Variants in SEMA4D observed in about 807,000 individuals in gnomAD.
SEMA4D encodes the protein semaphorin-4D.
SEMA4D carries 22 observed loss-of-function variants against 74.8 expected under a neutral mutation model. The ratio of observed to expected loss-of-function variants is 0.29; its 90% CI spans 0.21 to 0.42. The LOEUF (loss-of-function observed/expected upper bound fraction) is 0.42. Among genes scored for constraint, SEMA4D ranks in the 10% least tolerant of loss-of-function variants. The pLI, the probability that SEMA4D is intolerant of heterozygous loss-of-function variation, is 1.00. For synonymous variants in SEMA4D, 445 were observed against 463.7 expected (o/e 0.96, Z 0.52); for missense variants, 937 against 1,118.4 (o/e 0.84, Z 2.31).
intron 13 of SEMA4D, chr9:89,385,142 A>C: frequency 1.1e-6 from 1 of 888,816 alleles, no homozygotes; most frequent in Non-Finnish European, 1.3e-6. Flanking sequence ...GTGGGCACTG[A>C]CCCGTAACCC....
chr9:89,382,986 G>A (rs1035488283), intron 13 of SEMA4D, among the ~76,000 whole-genome samples: 6 of 152,212 alleles, frequency 3.9e-5, no homozygotes, highest in African/African-American at 1.2e-4. Flanking sequence ...CGCTTCTCCC[G>A]GATGGGGCTG....
chr9:89,450,659 G>GAAAAA lies in SEMA4D; in HGVS notation c.-244+5228_-244+5229insTTTTT, dbSNP rs1564832883. The GAAAAA allele has an allele frequency of 1.3e-3, 549 of 420,936 alleles. 127 individuals are homozygous for GAAAAA. Among genetic ancestry groups the GAAAAA allele is most frequent in the South Asian group, 2.5e-3 (99 of 40,142 alleles). The allele number at this position is 420,936 out of a possible 1,614,324, so 26.1% of individuals were successfully genotyped here. A position where few individuals can be genotyped will look rare whatever the true frequency, so the allele number is the denominator to read the frequency against. On this transcript the variant is annotated intron_variant, in intron 2 of 15. Transcript: ENST00000422704. ...AGAGTTCTGCAAGTCGAAAAACCCA[G>GAAAAA]GAAAAAAAAAAAAAAAAAAAAAAAA... is the stretch of plus-strand genomic sequence containing the variant.
intron 1 of SEMA4D, among the ~76,000 whole-genome samples, chr9:89,470,563 T>G (rs1017165180): frequency 1.3e-5 from 2 of 152,232 alleles, no homozygotes; most frequent in South Asian, 2.1e-4. Context: ...GGGCAGTTTC[T>G]TATAAGAATA....
intron 2 of SEMA4D, chr9:89,418,065 A>G (rs1487045283): frequency 2.0e-6 from 2 of 983,734 alleles, no homozygotes; most frequent in Non-Finnish European, 2.4e-6. Context: ...CCTGTATCTT[A>G]TGCCTCTTGA....
rs971216207 is a variant in SEMA4D at position 89,449,826 on chromosome 9, T to TC, written c.-244+6061dup. The TC allele has an allele frequency of 4.9e-5, 74 of 1,502,204 alleles. No homozygotes were observed. The African/African-American group carries it at 9.6e-4, about 20-fold the overall frequency. The allele number at this position is 1,502,204 out of a possible 1,614,324, so 93.1% of individuals were successfully genotyped here. A position where few individuals can be genotyped will look rare whatever the true frequency, so the allele number is the denominator to read the frequency against. On this transcript the variant is annotated intron_variant, in intron 2 of 15. Transcript: ENST00000422704. Reference sequence around the variant, plus strand: ...GGTAAATAACTGTGTATGTCACTTCTCCCCTTTGAAGAGAGACCAGGATTA... The same window carrying TC: ...GGTAAATAACTGTGTATGTCACTTCTCCCCCTTTGAAGAGAGACCAGGATTA...
In SEMA4D at chr9:89,379,419, A is replaced by G; in HGVS notation, c.1874T>C (p.Leu625Pro). 3 of 1,614,168 alleles carry G rather than the reference A, an allele frequency of 1.9e-6. No individual in the cohort carries two copies. Among genetic ancestry groups the G allele is most frequent in the Non-Finnish European group, 2.5e-6 (3 of 1,180,014 alleles). Residue 625 changes from leucine (L) to proline (P), a missense_variant, in exon 16 of 16, where the codon CTG becomes CCG. Transcript: ENST00000422704. ...SEGDSGVYQC[L>P]SEERVKNKTV... ...TTTGTTCTTAACCCTCTCCTCTGAC[A>G]GGCACTGGTACACCCCACTGTCTCC...
intron 2 of SEMA4D, among the ~76,000 whole-genome samples, chr9:89,419,589 G>C (rs1846465585): frequency 6.6e-6 from 1 of 152,176 alleles, no homozygotes. Flanking sequence ...AAGAGGCTTA[G>C]GTAAATAATG....
At chr9:89,371,719 GGT>G (rs1208075313) in intron 16 of SEMA4D, among the ~76,000 whole-genome samples, 1 of 97,926 alleles carries the variant, frequency 1.0e-5, no homozygotes, top group African/African-American at 4.5e-5. Flanking sequence ...TCTGGGGTGT[GGT>G]GTGTGTCTGG....
chr9:89,486,827 A>T (rs1342629684), intron 1 of SEMA4D, among the ~76,000 whole-genome samples: 1 of 152,190 alleles, frequency 6.6e-6, no homozygotes, highest in Non-Finnish European at 1.5e-5. Context: ...AGATCACTTG[A>T]GCCCAGGAAG....
At chr9:89,491,011 T>C (rs933911957) in intron 1 of SEMA4D, among the ~76,000 whole-genome samples, 3 of 152,198 alleles carry the variant, frequency 2.0e-5, no homozygotes, top group African/African-American at 7.2e-5. Context: ...TATATCCTGA[T>C]TATGGTGTCA....
chr9:89,433,677 G>A (rs1403208549), intron 2 of SEMA4D, among the ~76,000 whole-genome samples: 1 of 152,226 alleles, frequency 6.6e-6, no homozygotes, highest in Admixed American at 6.5e-5. Flanking sequence ...TTCTGCCCAA[G>A]TACAGGGTGG....
At chr9:89,453,600 A>G (rs1855165575) in intron 2 of SEMA4D, among the ~76,000 whole-genome samples, 1 of 152,236 alleles carries the variant, frequency 6.6e-6, no homozygotes, top group Admixed American at 6.5e-5. Context: ...AATCTAAGCC[A>G]GGCCTCCCAG....
intron 2 of SEMA4D, among the ~76,000 whole-genome samples, chr9:89,415,822 C>G (rs28760275): frequency 0.012 from 1,846 of 152,280 alleles, 37 homozygotes; most frequent in African/African-American, 0.043. Context: ...CAGCACCGGA[C>G]AGAACCCAGC....
At chr9:89,433,253 A>G (rs980890221) in intron 2 of SEMA4D, among the ~76,000 whole-genome samples, 1 of 152,214 alleles carries the variant, frequency 6.6e-6, no homozygotes, top group African/African-American at 2.4e-5. Context: ...CGAGTCCCCC[A>G]TGAGTGCAAC....
chr9:89,378,860 C>T lies in SEMA4D; in HGVS notation c.2433G>A (p.Leu811=). The T allele has an allele frequency of 2.5e-6, 4 of 1,614,182 alleles. No homozygotes were observed. Among genetic ancestry groups the T allele is most frequent in the Non-Finnish European group, 3.4e-6 (4 of 1,180,034 alleles). The change falls in exon 16 of 16, where the codon CTG becomes CTA. Residue 811 remains leucine, a synonymous_variant. Transcript: ENST00000422704. The part of the protein sequence containing the change: ...QQNGEHPKPA[L]DTGYETEQDT... ...CTTGCTCGGTCTCATAGCCGGTGTCCAGGGCTGGCTTGGGGTGCTCCCCAT... is the reference window on the plus strand; with the variant it reads ...CTTGCTCGGTCTCATAGCCGGTGTCTAGGGCTGGCTTGGGGTGCTCCCCAT...
rs541325110 is a variant in SEMA4D, at chr9:89,377,916, A to G, written c.*788T>C. ...TTAAAAAAAAAGAAAAGTAAAACGA[A>G]GTACAGAAAGAAAATCTCTCCAAAA... is the stretch of plus-strand genomic sequence containing the variant. On this transcript the variant is annotated 3_prime_UTR_variant, in exon 16 of 16. Transcript: ENST00000422704. 5 of 152,410 alleles carry G rather than the reference A, an allele frequency of 3.3e-5. No individual in the cohort carries two copies. The South Asian group carries it at 1.0e-3, about 32-fold the overall frequency. The allele number at this position is 152,410 out of a possible 1,614,324, so 9.4% of individuals were successfully genotyped here. A position where few individuals can be genotyped will look rare whatever the true frequency, so the allele number is the denominator to read the frequency against.
intron 4 of SEMA4D, 148 bp downstream of exon 4, chr9:89,402,723 G>A (rs553937007): frequency 3.9e-6 from 3 of 764,484 alleles, no homozygotes; most frequent in Non-Finnish European, 6.2e-6. Context: ...CGGGTGAACT[G>A]CTGGTGGACA....
chr9:89,386,546 A>C, intron 12 of SEMA4D, 64 bp from the exon 13 acceptor site: 1 of 1,007,220 alleles, frequency 9.9e-7, no homozygotes, highest in Non-Finnish European at 1.6e-6. Flanking sequence ...GACAGTGACC[A>C]CAGCGGCAAA....
At chr9:89,385,161 C>A (rs944333201) in intron 13 of SEMA4D, 5 of 880,938 alleles carry the variant, frequency 5.7e-6, no homozygotes, top group African/African-American at 3.6e-5. Flanking sequence ...CCCCTCTGTG[C>A]GGCCCTCCTC....
Sources: gnomAD v4.1 joint callset for allele counts (sites outside exome capture counted in the v4.1 genomes callset) on GRCh38, gnomAD v4.1.1 for gene constraint, MANE v1.5 for transcripts, NCBI Gene and HGNC (gene_info 2026-07-23, HGNC 2026-07-21) for gene names.